The following IMMP2L variants were observed in gnomAD, a reference collection of about 807,000 sequenced individuals.
The protein encoded by IMMP2L is inner mitochondrial membrane peptidase subunit 2, also known as mitochondrial inner membrane protease subunit 2.
A neutral mutation model predicts 19.3 loss-of-function variants in IMMP2L; 18 were observed. That is an observed-to-expected ratio of 0.93 (90% CI 0.64 to 1.38). The LOEUF is 1.38. IMMP2L is among the 40% of genes most tolerant of loss of function. The probability of loss-of-function intolerance (pLI) is 0.00; values close to 1 mark genes in which losing one functional copy is unlikely to be tolerated. For missense variants in IMMP2L, 233 were observed against 218.2 expected (o/e 1.07, Z -0.43); for synonymous variants, 76 against 73.0 (o/e 1.04, Z -0.21).
chr7:111,239,894 G>T (rs1441379965), intron 3 of IMMP2L, among the ~76,000 whole-genome samples: 1 of 151,866 alleles, frequency 6.6e-6, no homozygotes, highest in East Asian at 1.9e-4. Context: ...TTTTTAAAAG[G>T]TCTTGTTTTA....
chr7:110,812,060 T>A (rs914729071), intron 5 of IMMP2L, among the ~76,000 whole-genome samples: 2 of 152,038 alleles, frequency 1.3e-5, no homozygotes, highest in Admixed American at 6.6e-5. Flanking sequence ...CACATATATT[T>A]GGTGATGGAA....
intron 5 of IMMP2L, among the ~76,000 whole-genome samples, chr7:110,774,461 A>G (rs1322482807): frequency 6.6e-6 from 1 of 152,060 alleles, no homozygotes; most frequent in Non-Finnish European, 1.5e-5. Context: ...TTTTATCCAG[A>G]AGGAAACAAA....
intron 3 of IMMP2L, among the ~76,000 whole-genome samples, chr7:111,319,900 CT>C (rs1824501124): frequency 1.3e-5 from 2 of 151,990 alleles, no homozygotes; most frequent in Middle Eastern, 3.4e-3. Flanking sequence ...GTAACAATGA[CT>C]TTATATAAAA....
chr7:110,962,653 G>A (rs1819080280), intron 4 of IMMP2L: 1 of 870,506 alleles, frequency 1.1e-6, no homozygotes, highest in Non-Finnish European at 1.4e-6. Flanking sequence ...CCCCAGTGGG[G>A]ATCCCCTGGG....
At chr7:111,434,242 T>C (rs1026563871) in intron 3 of IMMP2L, among the ~76,000 whole-genome samples, 3 of 151,416 alleles carry the variant, frequency 2.0e-5, no homozygotes, top group Non-Finnish European at 4.4e-5. Flanking sequence ...AGCCTAGCCA[T>C]ATGCAGAAGA....
chr7:111,479,343 T>C (rs1841984035), intron 3 of IMMP2L, among the ~76,000 whole-genome samples: 1 of 152,178 alleles, frequency 6.6e-6, no homozygotes, highest in African/African-American at 2.4e-5. Context: ...TCTAATCCAG[T>C]TTTTTTCATT....
intron 5 of IMMP2L, among the ~76,000 whole-genome samples, chr7:110,668,803 G>A (rs1584449391): frequency 5.3e-5 from 2 of 37,682 alleles, no homozygotes; most frequent in Non-Finnish European, 1.1e-4. Context: ...GAGAATAATA[G>A]AGAGAGAGAG....
At chr7:111,378,371 C>T (rs932033223) in intron 3 of IMMP2L, among the ~76,000 whole-genome samples, 1 of 151,838 alleles carries the variant, frequency 6.6e-6, no homozygotes, top group African/African-American at 2.4e-5. Context: ...TTATAATTGT[C>T]ACAAATATAA....
intron 5 of IMMP2L, among the ~76,000 whole-genome samples, chr7:110,876,829 A>G (rs913236618): frequency 7.9e-5 from 12 of 152,128 alleles, no homozygotes; most frequent in African/African-American, 2.9e-4. Flanking sequence ...GATACCTCTC[A>G]TAACTTATTA....
At chr7:110,691,949 T>C (rs969166609) in intron 5 of IMMP2L, among the ~76,000 whole-genome samples, 7 of 152,160 alleles carry the variant, frequency 4.6e-5, no homozygotes, top group African/African-American at 1.7e-4. Context: ...AGCAGCCCCA[T>C]TACTGGGTAT....
chr7:111,411,605 G>T lies in IMMP2L; in HGVS notation c.239+75633C>A, dbSNP rs1163271723. ...TTTAGACATCGAGGACTTCACTATG[G>T]ATCGGGAAGTGCACAAAATCAACCC... On this transcript the variant is annotated intron_variant, in intron 3 of 5. Transcript: ENST00000405709. The T allele has an allele frequency of 1.4e-5, 4 of 289,776 alleles. No individual in the cohort carries two copies. In the Admixed American group the frequency reaches 1.5e-4, roughly 11 times the overall value. The allele number at this position is 289,776 out of a possible 1,614,324, so 18.0% of individuals were successfully genotyped here.
chr7:110,966,822 T>G (rs1324778143), intron 3 of IMMP2L, among the ~76,000 whole-genome samples: 1 of 152,062 alleles, frequency 6.6e-6, no homozygotes, highest in Non-Finnish European at 1.5e-5. Context: ...CTCAGAGAGT[T>G]ATACAGATTT....
chr7:111,478,751 T>C (rs1236837430), intron 3 of IMMP2L, among the ~76,000 whole-genome samples: 1 of 152,138 alleles, frequency 6.6e-6, no homozygotes, highest in Non-Finnish European at 1.5e-5. Flanking sequence ...ATAGTCCATG[T>C]CTAATCATTC....
chr7:111,456,174 T>C (rs1006863700), intron 3 of IMMP2L, among the ~76,000 whole-genome samples: 6 of 151,940 alleles, frequency 3.9e-5, no homozygotes, highest in African/African-American at 1.4e-4. Context: ...CAAGAAAAGG[T>C]GAGATCCTTG....
intron 3 of IMMP2L, among the ~76,000 whole-genome samples, chr7:111,344,807 T>G (rs2130823714): frequency 6.6e-6 from 1 of 152,192 alleles, no homozygotes; most frequent in East Asian, 1.9e-4. Context: ...GCTGTTACCT[T>G]AGGAAGGACA....
At position 111,281,936 on chromosome 7, in the gene IMMP2L, T is replaced by G. The variant is rs1563006480; in HGVS notation, c.239+205302A>C. On this transcript the variant is annotated intron_variant, in intron 3 of 5. Transcript: ENST00000405709. ...TGTTGTTAAGCTATAGCAATAAATG[T>G]AGCATAATTGTTGCTAAGTTATTTA... is the stretch of plus-strand genomic sequence containing the variant. 2.6e-5 allele frequency among the ~76,000 whole-genome samples: 4 copies of G among 152,178 alleles called. 1 individual carries two copies. The highest frequency in any genetic ancestry group is 4.1e-4 in the South Asian group (2 of 4,828).
chr7:111,537,080 G>C (rs1278083448), intron 1 of IMMP2L, among the ~76,000 whole-genome samples: 1 of 152,000 alleles, frequency 6.6e-6, no homozygotes, highest in Non-Finnish European at 1.5e-5. Flanking sequence ...TATCTGCTAA[G>C]TGCCAGGCAT....
intron 3 of IMMP2L, among the ~76,000 whole-genome samples, chr7:111,170,181 T>C (rs1426054514): frequency 6.6e-6 from 1 of 151,914 alleles, no homozygotes; most frequent in Non-Finnish European, 1.5e-5. Context: ...AAAAATCTTT[T>C]CTTATAAAAG....
chr7:111,097,138 G>C (rs1234443010), intron 3 of IMMP2L: 1 of 151,810 alleles, frequency 6.6e-6, no homozygotes, highest in Non-Finnish European at 1.5e-5. Context: ...TTAAAGGTTA[G>C]TATCAATAGG....
Sources: allele counts gnomAD v4.1 joint callset (sites outside exome capture counted in the v4.1 genomes callset), GRCh38; gene constraint gnomAD v4.1.1; transcripts MANE v1.5; gene names NCBI Gene and HGNC (gene_info 2026-07-23, HGNC 2026-07-21).